The following EXOC4 variants were observed in gnomAD, a reference collection of about 807,000 sequenced individuals.
The protein encoded by EXOC4 is exocyst complex component 4.
EXOC4 carries 71 observed loss-of-function variants against 107.2 expected under a neutral mutation model. That is an observed-to-expected ratio of 0.66 (90% CI 0.55 to 0.81). The LOEUF (loss-of-function observed/expected upper bound fraction) is 0.81, where lower values mean the gene tolerates loss of function less well. EXOC4 is among the 30% of genes least tolerant of loss of function. The probability of loss-of-function intolerance (pLI) is 0.00; values close to 1 mark genes in which losing one functional copy is unlikely to be tolerated. For missense variants in EXOC4, 1,108 were observed against 1,189.6 expected (o/e 0.93, Z 1.01); for synonymous variants, 456 against 441.2 (o/e 1.03, Z -0.42).
At chr7:133,916,840 A>T (rs1799819827) in intron 12 of EXOC4, among the ~76,000 whole-genome samples, 1 of 152,204 alleles carries the variant, frequency 6.6e-6, no homozygotes, top group South Asian at 2.1e-4. Flanking sequence ...CGTTGAAATT[A>T]GTTACAGTGA....
intron 10 of EXOC4, among the ~76,000 whole-genome samples, chr7:133,791,470 G>C (rs1440175572): frequency 6.6e-6 from 1 of 152,114 alleles, no homozygotes; most frequent in Non-Finnish European, 1.5e-5. Flanking sequence ...TTTGTTGGTT[G>C]GATGGTTGAA....
chr7:133,728,813 T>G (rs1386439982), intron 10 of EXOC4, among the ~76,000 whole-genome samples: 1 of 152,152 alleles, frequency 6.6e-6, no homozygotes, highest in Non-Finnish European at 1.5e-5. Flanking sequence ...TAGCATCCCT[T>G]CATCTTGAAT....
Position 133,630,155 on chromosome 7 carries a change from T to G in EXOC4, c.1514+14T>G. ...CCCATTACTAAGGTAAGTCAAGTGC[T>G]ATGATATACTTACTGAAGATCAATA... On this transcript the variant is annotated intron_variant, in intron 10 of 17. Transcript: ENST00000253861. 1.3e-6 allele frequency: 2 copies of G among 1,562,776 alleles called. No homozygotes were observed. The highest frequency in any genetic ancestry group is 1.8e-6 in the Non-Finnish European group (2 of 1,133,518).
chr7:133,276,753 C>G (rs1281830312), intron 2 of EXOC4, among the ~76,000 whole-genome samples: 1 of 152,114 alleles, frequency 6.6e-6, no homozygotes, highest in Non-Finnish European at 1.5e-5. Context: ...TGTATCTGCC[C>G]AGTAACAGCT....
At chr7:134,050,591 A>G (rs1263137129) in intron 17 of EXOC4, among the ~76,000 whole-genome samples, 2 of 152,184 alleles carry the variant, frequency 1.3e-5, no homozygotes, top group Admixed American at 1.3e-4. Flanking sequence ...AGCTTCATAG[A>G]GGGTAGAGGA....
intron 9 of EXOC4, among the ~76,000 whole-genome samples, chr7:133,583,335 G>T (rs940517049): frequency 6.6e-6 from 1 of 152,116 alleles, no homozygotes; most frequent in Non-Finnish European, 1.5e-5. Flanking sequence ...CATTCATTCA[G>T]CATTTACTGA....
chr7:133,368,668 G>T (rs1796298228), intron 6 of EXOC4, among the ~76,000 whole-genome samples: 1 of 152,078 alleles, frequency 6.6e-6, no homozygotes, highest in South Asian at 2.1e-4. Context: ...TTCAAGTCCA[G>T]GTTTCTAACT....
chr7:133,507,582 C>G (rs1246514225), intron 9 of EXOC4, among the ~76,000 whole-genome samples: 1 of 152,154 alleles, frequency 6.6e-6, no homozygotes, highest in Non-Finnish European at 1.5e-5. Flanking sequence ...GCTTTCTTGT[C>G]TAGCAATGGT....
intron 10 of EXOC4, among the ~76,000 whole-genome samples, chr7:133,666,983 CT>C (rs1173752554): frequency 6.6e-6 from 1 of 152,094 alleles, no homozygotes; most frequent in Non-Finnish European, 1.5e-5. Flanking sequence ...TGGGTGTCTT[CT>C]TTTTCCCTCC....
the EXOC4 span, among the ~76,000 whole-genome samples, chr7:134,086,035 A>T: frequency 2.6e-5 from 4 of 152,196 alleles, no homozygotes; most frequent in Middle Eastern, 3.2e-3. Context: ...ACACACAGCT[A>T]ACAGTACCCC....
In EXOC4 at chr7:133,912,524, G is replaced by A. The variant is rs912975577; in HGVS notation, c.1872-5059G>A. Among the ~76,000 whole-genome samples, 3 of 152,182 alleles carry A rather than the reference G, an allele frequency of 2.0e-5. No individual in the cohort carries two copies. The South Asian group carries it at 6.2e-4, about 31-fold the overall frequency. On this transcript the variant is annotated intron_variant, in intron 12 of 17. Transcript: ENST00000253861. The stretch of plus-strand genomic sequence containing the variant: ...TGGTTAAATACCAAATGACTTGACA[G>A]CTCATCAAAGTTGTTTAGAGCAGAG...
chr7:133,898,541 C>T (rs1196429857), intron 12 of EXOC4, among the ~76,000 whole-genome samples: 3 of 101,688 alleles, frequency 3.0e-5, no homozygotes, highest in Admixed American at 8.1e-5. Flanking sequence ...GTCAGGAGAT[C>T]GAGACCATCC....
intron 17 of EXOC4, among the ~76,000 whole-genome samples, chr7:134,029,973 G>A (rs1339699954): frequency 3.9e-5 from 6 of 152,206 alleles, no homozygotes; most frequent in Admixed American, 6.5e-5. Context: ...GTTTCCTAAA[G>A]AAGTCACTTG....
intron 3 of EXOC4, among the ~76,000 whole-genome samples, chr7:133,296,990 A>G (rs1370522395): frequency 6.6e-6 from 1 of 152,164 alleles, no homozygotes; most frequent in Non-Finnish European, 1.5e-5. Context: ...GGTGTAGGGT[A>G]TAGCTTGTTC....
At chr7:133,876,702 C>T (rs1050674371) in intron 11 of EXOC4, among the ~76,000 whole-genome samples, 1 of 152,072 alleles carries the variant, frequency 6.6e-6, no homozygotes, top group African/African-American at 2.4e-5. Flanking sequence ...CATCGAGTAC[C>T]ATTTTCCCAG....
chr7:133,583,893 A>G (rs1006291619), intron 9 of EXOC4, among the ~76,000 whole-genome samples: 1 of 152,196 alleles, frequency 6.6e-6, no homozygotes, highest in Non-Finnish European at 1.5e-5. Context: ...AGCCAAGGCA[A>G]GGAGACAGGG....
In EXOC4 at chr7:133,412,905, G is replaced by A. The variant is rs117758134; in HGVS notation, c.1182+37903G>A. Among the ~76,000 whole-genome samples the A allele has an allele frequency of 8.4e-4, 128 of 152,060 alleles. No individual in the cohort carries two copies. In the East Asian group the frequency reaches 8.5e-3, roughly 10 times the overall value. On this transcript the variant is annotated intron_variant, in intron 7 of 17. Coordinates refer to ENST00000253861, the MANE Select transcript of EXOC4 (RefSeq NM_021807.4). ...ATAGTGGTTTAATGGCAAACCTCTC[G>A]GAAGGACTCTGTATCTTTCTTAGAG...
At chr7:133,318,564 T>A (rs957727221) in intron 5 of EXOC4, among the ~76,000 whole-genome samples, 1 of 152,202 alleles carries the variant, frequency 6.6e-6, no homozygotes, top group South Asian at 2.1e-4. Flanking sequence ...TTAGTTCTTA[T>A]AGTTCTTATT....
At chr7:133,721,826 C>T (rs1585102245) in intron 10 of EXOC4, among the ~76,000 whole-genome samples, 3 of 152,138 alleles carry the variant, frequency 2.0e-5, no homozygotes, top group Admixed American at 2.0e-4. Flanking sequence ...GATAATGCCT[C>T]CCACTAAATG....
Sources: allele counts gnomAD v4.1 joint callset (sites outside exome capture counted in the v4.1 genomes callset), GRCh38; gene constraint gnomAD v4.1.1; transcripts MANE v1.5; gene names NCBI Gene and HGNC (gene_info 2026-07-23, HGNC 2026-07-21).